Variants in AHNAK2 observed in about 807,000 individuals in gnomAD.
AHNAK2 encodes AHNAK nucleoprotein 2.
A neutral mutation model predicts 30.7 loss-of-function variants in AHNAK2; 18 were observed. The observed-to-expected ratio is 0.59, with a 90% confidence interval of 0.41 to 0.87. The LOEUF is 0.87. AHNAK2 is among the 40% of genes least tolerant of loss of function. The probability of loss-of-function intolerance (pLI) is 0.00; values close to 1 mark genes in which losing one functional copy is unlikely to be tolerated. For synonymous variants in AHNAK2, 3,590 were observed against 3,073.8 expected, an observed-to-expected ratio of 1.17 and a Z score of -5.56; for missense variants, 8,604 against 7,373.0, an observed-to-expected ratio of 1.17 and a Z score of -6.11.
intron 1 of AHNAK2, among the ~76,000 whole-genome samples, chr14:104,960,133 T>C (rs1899094547): frequency 6.6e-6 from 1 of 152,216 alleles, no homozygotes; most frequent in Non-Finnish European, 1.5e-5. Flanking sequence ...GTGAACCACT[T>C]ATATAAGGCA....
Position 104,941,261 on chromosome 14 carries a change from A to G in AHNAK2, c.14190T>C (p.Gly4730=). ...AAGATGATAAAGGAATCGTGGAAAG[A>G]CCTATGCTAGACTTTGCACCTGGGA... The part of the protein sequence containing the change: ...SLVPGAKSSI[G]LSTIPLSSSE... Residue 4730 remains glycine (G), a synonymous_variant, in exon 7 of 7, where the codon GGT becomes GGC. Transcript: ENST00000333244. The G allele has an allele frequency of 6.2e-7, 1 of 1,613,610 alleles. No individual in the cohort carries two copies. Among genetic ancestry groups the G allele is most frequent in the East Asian group, 2.2e-5 (1 of 44,886 alleles).
At chr14:104,978,137 GC>G in intron 1 of AHNAK2, 45 bp downstream of exon 1, 3 of 1,204,802 alleles carry the variant, frequency 2.5e-6, no homozygotes, top group Non-Finnish European at 3.1e-6. Flanking sequence ...CTCGCGCGTA[GC>G]CCACCCGCCC....
rs755262449 is a variant in AHNAK2 at position 104,952,224 on chromosome 14, C to A, written c.3227G>T (p.Gly1076Val). The A allele has an allele frequency of 6.2e-7, 1 of 1,612,532 alleles. No homozygotes were observed. The highest frequency in any genetic ancestry group is 1.1e-5 in the South Asian group (1 of 91,012). ...CACCTTGGGCAAGTGCCCTTTAAGGCCAGCTCCCTCGGGCAGGTGGCCCTC... is the reference window on the plus strand; with the variant it reads ...CACCTTGGGCAAGTGCCCTTTAAGGACAGCTCCCTCGGGCAGGTGGCCCTC... The part of the protein sequence containing the change: ...LPEGHLPEGA[G>V]LKGHLPKVEM... Residue 1076 changes from glycine to valine, a missense_variant, in exon 7 of 7, where the codon GGC becomes GTC. Physicochemically the swap from Gly to Val is moderately radical, Grantham distance 109. Transcript: ENST00000333244.
In AHNAK2 at chr14:104,948,870, C is replaced by T; in HGVS notation, c.6581G>A (p.Gly2194Glu). 6.2e-7 allele frequency: 1 copy of T among 1,610,228 alleles called. No homozygotes were observed. The highest frequency in any genetic ancestry group is 1.4e-5 in the African/African-American group (1 of 74,066). ...GCTGAGGTCAGTGGTCTTGAGGTCC[C>T]CCTGCATGGAGGGGAGACTCATGTC... ...EADMSLPSMQGDLKTTDLSIQ... is the reference protein window; with the variant it reads ...EADMSLPSMQEDLKTTDLSIQ... Residue 2194 changes from glycine (G) to glutamate (E), a missense_variant, in exon 7 of 7, where the codon GGG (glycine) becomes GAG (glutamate). Gly to Glu is a moderately conservative substitution (Grantham distance 98). Transcript: ENST00000333244.
In AHNAK2 at chr14:104,943,299, A is replaced by G; in HGVS notation, c.12152T>C (p.Leu4051Pro). 5.0e-6 allele frequency: 8 copies of G among 1,613,086 alleles called. No homozygotes were observed. Among genetic ancestry groups the G allele is most frequent in the Non-Finnish European group, 6.8e-6 (8 of 1,179,568 alleles). ...GAAACTGGGCATCTGCACCTTGGGC[A>G]GGTGCCCTTTGAGGCTGGCTCCCTC... is the stretch of plus-strand genomic sequence containing the variant. ...VPEGASLKGH[L>P]PKVQMPSFKM... The change falls in exon 7 of 7, where the codon CTG (leucine) becomes CCG (proline). Residue 4051 changes from leucine to proline, a missense_variant. Physicochemically the swap from Leu to Pro is moderately conservative, Grantham distance 98. Transcript: ENST00000333244.
At position 104,949,355 on chromosome 14, in the gene AHNAK2, C is replaced by T; in HGVS notation, c.6096G>A (p.Lys2032=). 6.4e-7 allele frequency: 1 copy of T among 1,569,382 alleles called. No individual in the cohort carries two copies. Among genetic ancestry groups the T allele is most frequent in the South Asian group, 1.1e-5 (1 of 89,108 alleles). ...GGGGCTGAATGCTGAGGTCAGTGGTCTTCAGGTCCCCCTGCATGGAGGGGA... is the reference window on the plus strand; with the variant it reads ...GGGGCTGAATGCTGAGGTCAGTGGTTTTCAGGTCCCCCTGCATGGAGGGGA... ...VSLPSMQGDL[K]TTDLSIQPPS... The change falls in exon 7 of 7, where the codon AAG becomes AAA. Residue 2032 remains lysine (K), a synonymous_variant. Transcript: ENST00000333244.
Position 104,955,619 on chromosome 14 carries a change from T to C in AHNAK2, c.330A>G (p.Ala110=). 6.2e-7 allele frequency: 1 copy of C among 1,613,510 alleles called. No homozygotes were observed. Among genetic ancestry groups the C allele is most frequent in the South Asian group, 1.1e-5 (1 of 90,996 alleles). ...RMSRPEAVQE[A]TEVTLKTEVE... ...CCTCTGTCTTCAGCGTCACCTCTGT[T>C]GCCTCCTGGACAGCCTGGAGCAGAA... Residue 110 remains alanine, a synonymous_variant, in exon 5 of 7, where the codon GCA becomes GCG. Transcript: ENST00000333244.
At position 104,939,345 on chromosome 14, in the gene AHNAK2, G is replaced by T; in HGVS notation, c.16106C>A (p.Ser5369Tyr). 2 of 1,613,698 alleles carry T rather than the reference G, an allele frequency of 1.2e-6. No individual in the cohort carries two copies. Among genetic ancestry groups the T allele is most frequent in the Non-Finnish European group, 1.7e-6 (2 of 1,179,846 alleles). The change falls in exon 7 of 7, where the codon TCT (serine) becomes TAT (tyrosine). Residue 5369 changes from serine (S) to tyrosine (Y), a missense_variant. By Grantham distance (144) the Ser-to-Tyr change is moderately radical. Coordinates refer to ENST00000333244, the MANE Select transcript of AHNAK2 (RefSeq NM_138420.4). Reference protein sequence around the residue: ...ASSTDMPSQISVVNVDQLWED... With the variant: ...ASSTDMPSQIYVVNVDQLWED... Reference sequence around the variant, plus strand: ...CCACAGTTGATCCACATTAACCACAGAAATCTGGGATGGCATATCAGTACT... The same window carrying T: ...CCACAGTTGATCCACATTAACCACATAAATCTGGGATGGCATATCAGTACT...
chr14:104,952,859 C>T lies in AHNAK2; in HGVS notation c.2592G>A (p.Glu864=), dbSNP rs766810741. 31 of 1,612,586 alleles carry T rather than the reference C, an allele frequency of 1.9e-5. 1 individual carries two copies. In the South Asian group the frequency reaches 2.4e-4, roughly 13 times the overall value. The change falls in exon 7 of 7, where the codon GAG becomes GAA. Residue 864 remains glutamate, a synonymous_variant. Coordinates refer to ENST00000333244, the MANE Select transcript of AHNAK2 (RefSeq NM_138420.4). ...GCATGGAGGAGAGGCTCACGTCGGCCTCCACCTTCGGCGCAGACACATCCA... is the reference window on the plus strand; with the variant it reads ...GCATGGAGGAGAGGCTCACGTCGGCTTCCACCTTCGGCGCAGACACATCCA... ...DSVDVSAPKV[E]ADVSLSSMQG...
In AHNAK2 at chr14:104,954,809, A is replaced by G; in HGVS notation, c.652-10T>C. On this transcript the variant is annotated splice_polypyrimidine_tract_variant and intron_variant, in intron 6 of 6. Coordinates refer to ENST00000333244, the MANE Select transcript of AHNAK2 (RefSeq NM_138420.4). This position sits in a 1 kb window ranked among gnomAD's most constrained non-coding sequence, Gnocchi z 4.3. ...CAGCAACATCCGTGTCCTGAAACAT[A>G]GGGAGAGGGAATCTGTTGGTGCCAG... The G allele has an allele frequency of 1.3e-6, 2 of 1,550,312 alleles. No homozygotes were observed. The highest frequency in any genetic ancestry group is 1.7e-6 in the Non-Finnish European group (2 of 1,150,146).
At chr14:104,970,994 C>T (rs1899458002) in intron 1 of AHNAK2, among the ~76,000 whole-genome samples, 1 of 152,180 alleles carries the variant, frequency 6.6e-6, no homozygotes, top group African/African-American at 2.4e-5. Flanking sequence ...TGGTCATCTG[C>T]CACCTGCCTG....
chr14:104,943,096 G>T lies in AHNAK2; in HGVS notation c.12355C>A (p.Leu4119Met). 6.2e-7 allele frequency: 1 copy of T among 1,613,144 alleles called. No individual in the cohort carries two copies. The highest frequency in any genetic ancestry group is 8.5e-7 in the Non-Finnish European group (1 of 1,179,588). The change falls in exon 7 of 7, where the codon CTG becomes ATG. Residue 4119 changes from leucine to methionine, a missense_variant. By Grantham distance (15) the Leu-to-Met change is conservative (BLOSUM62 2). Transcript: ENST00000333244. ...GTCACATCCTTGTCGGCCAGGGACA[G>T]GTCCCCCTCCAGCTGCACACCATCC... ...KLDGVQLEGDLSLADKDVTAK... is the reference protein window; with the variant it reads ...KLDGVQLEGDMSLADKDVTAK...
Position 104,940,302 on chromosome 14 carries a change from G to C in AHNAK2, c.15149C>G (p.Ser5050Cys), listed in dbSNP as rs368094639. ...LPQRDVDPSL[S>C]SATAGGSFQD... ...AAAGCTACCCCCTGCTGTGGCACTA[G>C]AAAGGGAAGGATCCACGTCTCTCTG... Residue 5050 changes from serine (S) to cysteine (C), a missense_variant, in exon 7 of 7, where the codon TCT (serine) becomes TGT (cysteine). Coordinates refer to ENST00000333244, the MANE Select transcript of AHNAK2 (RefSeq NM_138420.4). This position sits in a 1 kb window ranked among gnomAD's most constrained non-coding sequence, Gnocchi z 4.4. 2 of 1,613,642 alleles carry C rather than the reference G, an allele frequency of 1.2e-6. No individual in the cohort carries two copies. Among genetic ancestry groups the C allele is most frequent in the African/African-American group, 2.7e-5 (2 of 74,900 alleles).
chr14:104,968,239 C>T (rs914558178), intron 1 of AHNAK2, among the ~76,000 whole-genome samples: 12 of 152,218 alleles, frequency 7.9e-5, no homozygotes, highest in African/African-American at 2.9e-4. Flanking sequence ...CAGTCCCTTG[C>T]ATGCCAGGGC....
chr14:104,958,041 T>A (rs940792482), intron 1 of AHNAK2, among the ~76,000 whole-genome samples: 1 of 152,012 alleles, frequency 6.6e-6, no homozygotes, highest in African/African-American at 2.4e-5. Context: ...AAATTACAAG[T>A]TACGCGAAGA....
rs778865941 is a variant in AHNAK2, at chr14:104,943,825, C to T, written c.11626G>A (p.Val3876Met). ...QVDMKLLEGH[V>M]PEEAGLKGHL... is the part of the protein sequence containing the mutation. ...CCTTTGAGGCCGGCTTCCTCGGGCA[C>T]GTGGCCCTCCAGGAGTTTCATGTCC... Residue 3876 changes from valine (V) to methionine (M), a missense_variant, in exon 7 of 7, where the codon GTG becomes ATG. Val to Met is a conservative substitution (Grantham distance 21). Coordinates refer to ENST00000333244, the MANE Select transcript of AHNAK2 (RefSeq NM_138420.4). The T allele has an allele frequency of 4.3e-5, 70 of 1,612,916 alleles. No homozygotes were observed. In the Admixed American group the frequency reaches 6.0e-4, roughly 14 times the overall value.
Position 104,948,113 on chromosome 14 carries a change from C to G in AHNAK2, c.7338G>C (p.Gln2446His), listed in dbSNP as rs1898405634. 1.9e-6 allele frequency: 3 copies of G among 1,612,716 alleles called. No individual in the cohort carries two copies. The East Asian group carries it at 6.7e-5, about 36-fold the overall frequency. ...CCTCGACATCCACCTCCACGCTGGG[C>G]TGAGACACCTCCACGTCGGGGGCCA... ...DVMAPDVEVSQPSVEVDVEAP... is the reference protein window; with the variant it reads ...DVMAPDVEVSHPSVEVDVEAP... Residue 2446 changes from glutamine (Q) to histidine (H), a missense_variant, in exon 7 of 7, where the codon CAG becomes CAC. Transcript: ENST00000333244.
chr14:104,959,348 C>T (rs527598134), intron 1 of AHNAK2, among the ~76,000 whole-genome samples: 3 of 152,170 alleles, frequency 2.0e-5, no homozygotes, highest in East Asian at 1.9e-4. Context: ...AATTTTCGTA[C>T]GTTTAGGAGA....
In AHNAK2 at chr14:104,952,882, C is replaced by G; in HGVS notation, c.2569G>C (p.Asp857His). 1 of 1,612,488 alleles carries G rather than the reference C, an allele frequency of 6.2e-7. No homozygotes were observed. The highest frequency in any genetic ancestry group is 8.5e-7 in the Non-Finnish European group (1 of 1,179,562). Residue 857 changes from aspartate (D) to histidine (H), a missense_variant, in exon 7 of 7, where the codon GAT becomes CAT. Coordinates refer to ENST00000333244, the MANE Select transcript of AHNAK2 (RefSeq NM_138420.4). ...GCCTCCACCTTCGGCGCAGACACAT[C>G]CACCGAGTCCTCCATGGACTTGCCT... ...APGKSMEDSV[D>H]VSAPKVEADV...
Sources: allele counts gnomAD v4.1 joint callset (sites outside exome capture counted in the v4.1 genomes callset), GRCh38; gene constraint gnomAD v4.1.1; non-coding constraint Gnocchi (gnomAD v3.1); transcripts MANE v1.5; gene names NCBI Gene and HGNC (gene_info 2026-07-23, HGNC 2026-07-21).